The following HIRA variants were observed in gnomAD, a reference collection of about 807,000 sequenced individuals.
HIRA encodes histone cell cycle regulator.
Under a neutral mutation model 126.6 loss-of-function variants are expected in HIRA, and 13 were observed. The observed-to-expected ratio is 0.10, with a 90% CI of 0.07 to 0.16. The LOEUF is 0.16. Among genes scored for constraint, HIRA ranks in the 10% least tolerant of loss-of-function variants. The pLI, the probability that HIRA is intolerant of heterozygous loss-of-function variation, is 1.00. For missense variants in HIRA, 834 were observed against 1,314.4 expected (o/e 0.63, Z 5.65); for synonymous variants, 511 against 520.0 (o/e 0.98, Z 0.24).
chr22:19,373,277 A>G (rs1012524525), intron 15 of HIRA, among the ~76,000 whole-genome samples: 3 of 152,082 alleles, frequency 2.0e-5, no homozygotes, highest in African/African-American at 7.2e-5. Flanking sequence ...GTCTTTCAAA[A>G]TTTGTTCCAA....
At chr22:19,386,266 C>T (rs2089126405) in intron 11 of HIRA, among the ~76,000 whole-genome samples, 1 of 152,152 alleles carries the variant, frequency 6.6e-6, no homozygotes, top group Non-Finnish European at 1.5e-5. Context: ...TTACTCCCAC[C>T]CCTCCTAGTA....
chr22:19,347,563 G>A (rs2088700267), intron 24 of HIRA, among the ~76,000 whole-genome samples: 1 of 152,210 alleles, frequency 6.6e-6, no homozygotes, highest in Admixed American at 6.5e-5. Context: ...ATGCTGTGGG[G>A]AAGACAGAGA....
chr22:19,376,275 G>C (rs1489946314), intron 14 of HIRA, among the ~76,000 whole-genome samples: 1 of 152,156 alleles, frequency 6.6e-6, no homozygotes, highest in African/African-American at 2.4e-5. Context: ...ATATCTCCCT[G>C]TGACAGTGTC....
At chr22:19,385,777 C>G in intron 11 of HIRA, 41 bp from the exon 12 acceptor site, 1 of 1,561,934 alleles carries the variant, frequency 6.4e-7, no homozygotes. Context: ...AGCATGAGTG[C>G]CAGTGTGGCC....
chr22:19,367,357 T>A (rs1387729620), intron 15 of HIRA, among the ~76,000 whole-genome samples: 1 of 137,502 alleles, frequency 7.3e-6, no homozygotes, highest in African/African-American at 2.8e-5. Flanking sequence ...AGGCACAGCT[T>A]CCAATGTACC....
chr22:19,353,488 C>A lies in HIRA; in HGVS notation c.2716G>T (p.Val906Leu), dbSNP rs781954576. The stretch of plus-strand genomic sequence containing the variant: ...GTCTCTTGCTGCACCACATGAGGCA[C>A]GGAGAAGAGCCGGGCAGCCTGCCTT... ...SGRQAARLFS[V>L]PHVVQQETTL... Residue 906 changes from valine to leucine, a missense_variant, in exon 23 of 25, where the codon GTG (valine) becomes TTG (leucine). Val to Leu is a conservative substitution (Grantham distance 32). Coordinates refer to ENST00000263208, the MANE Select transcript of HIRA (RefSeq NM_003325.4). 1 of 1,611,624 alleles carries A rather than the reference C, an allele frequency of 6.2e-7. No homozygotes were observed. The highest frequency in any genetic ancestry group is 1.3e-5 in the African/African-American group (1 of 74,864).
chr22:19,407,356 GGTTTATAAAATC>G (rs2089316520), intron 3 of HIRA, 82 bp from the exon 4 acceptor site: 1 of 1,110,446 alleles, frequency 9.0e-7, no homozygotes, highest in Non-Finnish European at 1.4e-6. Context: ...AGATGTAAAG[GGTTTATAAAATC>G]TAATCTATCT....
At chr22:19,364,950 T>C (rs551515281) in intron 15 of HIRA, among the ~76,000 whole-genome samples, 23 of 152,274 alleles carry the variant, frequency 1.5e-4, no homozygotes, top group Admixed American at 1.4e-3. Flanking sequence ...AGTGAACACA[T>C]GTTTGAAAAG....
chr22:19,385,064 T>C (rs2089113781), intron 12 of HIRA, among the ~76,000 whole-genome samples: 1 of 152,072 alleles, frequency 6.6e-6, no homozygotes, highest in East Asian at 1.9e-4. Context: ...TGGAGGAGGT[T>C]TGTCAGCCTA....
intron 14 of HIRA, among the ~76,000 whole-genome samples, chr22:19,376,556 G>A (rs368658337): frequency 1.2e-4 from 18 of 152,116 alleles, no homozygotes; most frequent in African/African-American, 4.3e-4. Context: ...CACTAGAATG[G>A]GCCATCCCCA....
At chr22:19,375,926 A>G in intron 14 of HIRA, 134 bp from the exon 15 acceptor site, 2 of 903,410 alleles carry the variant, frequency 2.2e-6, no homozygotes, top group Non-Finnish European at 3.3e-6. Flanking sequence ...ATGTCAAGAT[A>G]CAATCTACTA....
At chr22:19,401,868 G>A (rs1051209279) in intron 5 of HIRA, among the ~76,000 whole-genome samples, 1 of 152,108 alleles carries the variant, frequency 6.6e-6, no homozygotes, top group Non-Finnish European at 1.5e-5. Flanking sequence ...GCTGCCACAG[G>A]TCTCAACTCC....
chr22:19,394,212 T>A (rs2089205119), intron 8 of HIRA, 130 bp downstream of exon 8: 1 of 1,132,232 alleles, frequency 8.8e-7, no homozygotes, highest in East Asian at 2.6e-5. Context: ...TGCCAATAAA[T>A]CAACCAAGTA....
chr22:19,355,790 G>A lies in HIRA; in HGVS notation c.2531C>T (p.Ala844Val), dbSNP rs781964027. Residue 844 changes from alanine (A) to valine (V), a missense_variant, in exon 21 of 25, where the codon GCG (alanine) becomes GTG (valine). Around this residue, in one of 5 missense-constraint regions of HIRA, gnomAD observed 468 missense variants for 574.2 expected, o/e 0.82. Coordinates refer to ENST00000263208, the MANE Select transcript of HIRA (RefSeq NM_003325.4). ...IPVMNLSDGKAYCFNPSLSTW... is the reference protein window; with the variant it reads ...IPVMNLSDGKVYCFNPSLSTW... ...GGAAAGTGACGGATTAAAGCAGTACGCCTTCCCATCGGACAGGTTCATTAC... is the reference window on the plus strand; with the variant it reads ...GGAAAGTGACGGATTAAAGCAGTACACCTTCCCATCGGACAGGTTCATTAC... 2.5e-6 allele frequency: 4 copies of A among 1,613,606 alleles called. No homozygotes were observed. Among genetic ancestry groups the A allele is most frequent in the Admixed American group, 1.7e-5 (1 of 60,014 alleles).
chr22:19,384,315 T>A (rs1601834371), intron 12 of HIRA, among the ~76,000 whole-genome samples: 3 of 91,122 alleles, frequency 3.3e-5, no homozygotes, highest in East Asian at 6.7e-4. Flanking sequence ...AGAGCGAGAC[T>A]CCATCTCAAA....
chr22:19,377,225 C>T (rs914408638), intron 14 of HIRA, among the ~76,000 whole-genome samples: 1 of 152,086 alleles, frequency 6.6e-6, no homozygotes, highest in Admixed American at 6.5e-5. Flanking sequence ...CTGTGGCTAC[C>T]TCTCCCCCAC....
At chr22:19,401,184 G>A (rs759463909) in intron 5 of HIRA, among the ~76,000 whole-genome samples, 2 of 152,104 alleles carry the variant, frequency 1.3e-5, no homozygotes, top group Non-Finnish European at 2.9e-5. Flanking sequence ...TAGGCCCCCA[G>A]CACCCTCCAT....
intron 1 of HIRA, among the ~76,000 whole-genome samples, chr22:19,418,306 G>C (rs1466524065): frequency 6.6e-6 from 1 of 152,128 alleles, no homozygotes; most frequent in Non-Finnish European, 1.5e-5. Flanking sequence ...AAATGGAGGA[G>C]TGTAGGAGGG....
At chr22:19,347,294 G>A (rs897192086) in intron 24 of HIRA, among the ~76,000 whole-genome samples, 2 of 152,306 alleles carry the variant, frequency 1.3e-5, no homozygotes, top group East Asian at 1.9e-4. Flanking sequence ...TTTCCACATA[G>A]GGTAAAATGT....
Sources: allele counts gnomAD v4.1 joint callset (sites outside exome capture counted in the v4.1 genomes callset), GRCh38; gene constraint gnomAD v4.1.1; regional missense constraint gnomAD v4.1.1; transcripts MANE v1.5; gene names NCBI Gene and HGNC (gene_info 2026-07-23, HGNC 2026-07-21).